MAGI2: variants seen among roughly 807,000 people sequenced by gnomAD.
MAGI2 encodes membrane-associated guanylate kinase, WW and PDZ domain-containing protein 2.
Under a neutral mutation model 133.3 loss-of-function variants are expected in MAGI2, and 35 were observed. That is an observed-to-expected ratio of 0.26 (90% CI 0.20 to 0.35). The LOEUF (loss-of-function observed/expected upper bound fraction) is 0.35, where lower values mean the gene tolerates loss of function less well. MAGI2 is among the 10% of genes least tolerant of loss of function. The pLI is 1.00. For missense variants in MAGI2, 1,636 were observed against 1,863.4 expected, an observed-to-expected ratio of 0.88 and a Z score of 2.25; for synonymous variants, 729 against 710.6, an observed-to-expected ratio of 1.03 and a Z score of -0.41.
intron 21 of MAGI2, among the ~76,000 whole-genome samples, chr7:78,077,444 G>C (rs2151182122): frequency 6.6e-6 from 1 of 151,196 alleles, no homozygotes; most frequent in Admixed American, 6.6e-5. Flanking sequence ...TTAGATCCAA[G>C]CATTAAGGGT....
intron 7 of MAGI2, chr7:78,350,518 A>AG (rs1791394185): frequency 6.6e-6 from 1 of 152,208 alleles, no homozygotes; most frequent in African/African-American, 2.4e-5. Context: ...GTGTTGCATA[A>AG]GGAGTATCTT....
chr7:78,056,593 C>T (rs906639147), intron 21 of MAGI2, among the ~76,000 whole-genome samples: 4 of 152,034 alleles, frequency 2.6e-5, no homozygotes, highest in Admixed American at 6.5e-5. Flanking sequence ...TGCATCTTCT[C>T]ACTATAAATG....
intron 2 of MAGI2, among the ~76,000 whole-genome samples, chr7:78,647,440 A>G (rs1343555952): frequency 6.6e-6 from 1 of 152,196 alleles, no homozygotes; most frequent in Non-Finnish European, 1.5e-5. Context: ...CAAAACCACA[A>G]TGAGATACCA....
chr7:79,094,673 A>T (rs767571835), intron 1 of MAGI2, among the ~76,000 whole-genome samples: 1 of 152,202 alleles, frequency 6.6e-6, no homozygotes, highest in Non-Finnish European at 1.5e-5. Context: ...TACAGAATAG[A>T]TGTTATGTTA....
In MAGI2 at chr7:79,111,721, T is replaced by C. The variant is rs577345384; in HGVS notation, c.302-104515A>G. On this transcript the variant is annotated intron_variant, in intron 1 of 21. Coordinates refer to ENST00000354212, the MANE Select transcript of MAGI2 (RefSeq NM_012301.4). Reference sequence around the variant, plus strand: ...TCACTCTGTCGCCCAGGCTGGAGTGTAGTGGCACGATCTCGGCTCACTGCA... The same window carrying C: ...TCACTCTGTCGCCCAGGCTGGAGTGCAGTGGCACGATCTCGGCTCACTGCA... Among the ~76,000 whole-genome samples the C allele has an allele frequency of 5.5e-4, 84 of 152,116 alleles. 1 individual carries two copies. In the East Asian group the frequency reaches 0.013, roughly 24 times the overall value.
rs892350907 is a variant in MAGI2 at position 78,281,795 on chromosome 7, TAA to T, written c.1409-25216_1409-25215del. 1.7e-5 allele frequency among the ~76,000 whole-genome samples: 2 copies of T among 117,304 alleles called. 1 individual carries two copies. The highest frequency in any genetic ancestry group is 1.8e-4 in the Admixed American group (2 of 11,076). 77.0% of individuals were successfully genotyped at this position (117,304 alleles called of 152,430 possible). ...TTATCTCCATCAAGAGTTTTTTTGT[TAA>T]GTGTCTTGCTAAACTCAAAATACTC... On this transcript the variant is annotated intron_variant, in intron 9 of 21. Coordinates refer to ENST00000354212, the MANE Select transcript of MAGI2 (RefSeq NM_012301.4).
intron 2 of MAGI2, among the ~76,000 whole-genome samples, chr7:78,795,799 A>G (rs541051909): frequency 6.6e-6 from 1 of 152,230 alleles, no homozygotes; most frequent in Admixed American, 6.6e-5. Flanking sequence ...AGACATATAG[A>G]CCAATGGAAC....
At chr7:79,213,108 G>A (rs1477823633) in intron 1 of MAGI2, among the ~76,000 whole-genome samples, 1 of 151,700 alleles carries the variant, frequency 6.6e-6, no homozygotes, top group East Asian at 1.9e-4. Context: ...TCATTTCTGG[G>A]ATTTTTTGCC....
intron 21 of MAGI2, among the ~76,000 whole-genome samples, chr7:78,036,289 C>G (rs1244765792): frequency 6.6e-6 from 1 of 152,058 alleles, no homozygotes; most frequent in East Asian, 1.9e-4. Context: ...CTTCTCCAAT[C>G]ATAAGTGATA....
At chr7:79,186,757 A>G (rs1374916573) in intron 1 of MAGI2, among the ~76,000 whole-genome samples, 1 of 83,904 alleles carries the variant, frequency 1.2e-5, no homozygotes, top group Non-Finnish European at 2.4e-5. Context: ...AAAAGTATAT[A>G]TATATATATA....
chr7:78,205,602 G>T (rs1036853976), intron 10 of MAGI2, among the ~76,000 whole-genome samples: 1 of 152,058 alleles, frequency 6.6e-6, no homozygotes, highest in Non-Finnish European at 1.5e-5. Flanking sequence ...AAAATTATTT[G>T]ATACTTCTGG....
intron 2 of MAGI2, among the ~76,000 whole-genome samples, chr7:78,706,680 A>G (rs576576024): frequency 3.3e-4 from 51 of 152,272 alleles, no homozygotes; most frequent in Admixed American, 4.6e-4. Flanking sequence ...CATTTAAATT[A>G]TCGACTCCTA....
At chr7:79,298,164 C>T (rs956752732) in intron 1 of MAGI2, among the ~76,000 whole-genome samples, 1 of 152,004 alleles carries the variant, frequency 6.6e-6, no homozygotes, top group African/African-American at 2.4e-5. Flanking sequence ...AAATATTTGC[C>T]GTATATAATT....
chr7:78,126,920 G>A (rs1419535160), intron 19 of MAGI2, among the ~76,000 whole-genome samples: 1 of 152,204 alleles, frequency 6.6e-6, no homozygotes, highest in African/African-American at 2.4e-5. Flanking sequence ...GAGTTAGCTA[G>A]TATTAGCAGG....
At chr7:79,336,566 G>A (rs552508625) in intron 1 of MAGI2, among the ~76,000 whole-genome samples, 1 of 152,088 alleles carries the variant, frequency 6.6e-6, no homozygotes, top group Non-Finnish European at 1.5e-5. Flanking sequence ...AATCAGGATA[G>A]AGGAAATTCA....
At chr7:79,161,331 G>A (rs1824335062) in intron 1 of MAGI2, among the ~76,000 whole-genome samples, 1 of 151,998 alleles carries the variant, frequency 6.6e-6, no homozygotes, top group Non-Finnish European at 1.5e-5. Flanking sequence ...TGCTAGTCGG[G>A]ACAAATCCTC....
At chr7:79,179,867 C>T (rs1826460924) in intron 1 of MAGI2, among the ~76,000 whole-genome samples, 1 of 151,860 alleles carries the variant, frequency 6.6e-6, no homozygotes. Context: ...CTCTAGGCAA[C>T]TATTTTATGG....
At chr7:78,020,539 C>T (rs1808285566) in intron 21 of MAGI2, among the ~76,000 whole-genome samples, 1 of 151,662 alleles carries the variant, frequency 6.6e-6, no homozygotes, top group South Asian at 2.1e-4. Flanking sequence ...TCTTGGGCTA[C>T]ACATAAAATA....
intron 9 of MAGI2, among the ~76,000 whole-genome samples, chr7:78,331,982 T>C (rs1199544866): frequency 2.6e-5 from 4 of 152,232 alleles, no homozygotes; most frequent in Non-Finnish European, 5.9e-5. Flanking sequence ...TCAATTACTG[T>C]GTGACTAATC....
Sources: gnomAD v4.1 joint callset for allele counts (sites outside exome capture counted in the v4.1 genomes callset) on GRCh38, gnomAD v4.1.1 for gene constraint, MANE v1.5 for transcripts, NCBI Gene and HGNC (gene_info 2026-07-23, HGNC 2026-07-21) for gene names.